HDAC9: variants seen among roughly 807,000 people sequenced by gnomAD.
The protein encoded by HDAC9 is histone deacetylase 9, also known as MEF-2 interacting transcription repressor (MITR) protein.
HDAC9 carries 41 observed loss-of-function variants against 139.4 expected under a neutral mutation model. The ratio of observed to expected loss-of-function variants is 0.29; its 90% CI spans 0.23 to 0.38. The LOEUF (loss-of-function observed/expected upper bound fraction) is 0.38, where lower values mean the gene tolerates loss of function less well. Ranked by LOEUF, HDAC9 falls within the 10% of genes least tolerant of loss-of-function variation. The pLI, the probability that HDAC9 is intolerant of heterozygous loss-of-function variation, is 1.00. For synonymous variants in HDAC9, 517 were observed against 476.2 expected, an observed-to-expected ratio of 1.09 and a Z score of -1.12; for missense variants, 1,147 against 1,297.0, an observed-to-expected ratio of 0.88 and a Z score of 1.78.
At chr7:18,122,933 A>T (rs758510939) in intron 1 of HDAC9, among the ~76,000 whole-genome samples, 2 of 152,182 alleles carry the variant, frequency 1.3e-5, no homozygotes, top group Non-Finnish European at 2.9e-5. Flanking sequence ...TTACATACAA[A>T]GATTTCTGCT....
chr7:18,574,033 A>G (rs1336401102), intron 2 of HDAC9, among the ~76,000 whole-genome samples: 1 of 152,272 alleles, frequency 6.6e-6, no homozygotes, highest in African/African-American at 2.4e-5. Flanking sequence ...AGAATGAGGT[A>G]TGCGGACAGC....
intron 2 of HDAC9, among the ~76,000 whole-genome samples, chr7:18,273,023 C>T (rs1223945511): frequency 7.0e-6 from 1 of 143,514 alleles, no homozygotes; most frequent in African/African-American, 2.7e-5. Context: ...CCTCCTCCTC[C>T]TCCTCTTCCT....
chr7:18,939,874 C>T (rs1396514024), intron 23 of HDAC9, among the ~76,000 whole-genome samples: 1 of 152,164 alleles, frequency 6.6e-6, no homozygotes, highest in African/African-American at 2.4e-5. Context: ...ATTGGCAGAA[C>T]CCGCTTTAGT....
chr7:18,264,125 A>T (rs1199526386), intron 2 of HDAC9, among the ~76,000 whole-genome samples: 1 of 152,234 alleles, frequency 6.6e-6, no homozygotes, highest in Admixed American at 6.5e-5. Context: ...TCCACTTTAC[A>T]TAATGGACAG....
chr7:18,153,295 C>T (rs971321413), intron 1 of HDAC9, among the ~76,000 whole-genome samples: 2 of 152,080 alleles, frequency 1.3e-5, no homozygotes, highest in African/African-American at 4.8e-5. Flanking sequence ...AAGTACACTC[C>T]ACGGGGTGGG....
intron 2 of HDAC9, among the ~76,000 whole-genome samples, chr7:18,525,782 TCTGTTCC>T (rs1240158619): frequency 1.9e-4 from 29 of 152,220 alleles, no homozygotes; most frequent in African/African-American, 7.0e-4. Context: ...ATGCTGTATA[TCTGTTCC>T]CTGGAACTTA....
intron 1 of HDAC9, among the ~76,000 whole-genome samples, chr7:18,418,163 T>G (rs973464165): frequency 2.6e-5 from 4 of 152,188 alleles, no homozygotes; most frequent in African/African-American, 9.7e-5. Context: ...TTTTGTTCGC[T>G]TCAGGGTTTT....
At position 18,302,610 on chromosome 7, in the gene HDAC9, A is replaced by T. The variant is rs546202998; in HGVS notation, c.-42+12095A>T. ...AAGGAAAAAATTTATGTAAAGTTTG[A>T]ACCTACTTTCTAGAAGACGTGAACA... is the stretch of plus-strand genomic sequence containing the variant. On this transcript the variant is annotated intron_variant, in intron 1 of 3. Coordinates refer to the HDAC9 transcript ENST00000413509. 1.1e-4 allele frequency among the ~76,000 whole-genome samples: 16 copies of T among 152,360 alleles called. No homozygotes were observed. The South Asian group carries it at 3.1e-3, about 30-fold the overall frequency.
In HDAC9 at chr7:18,834,307, T is replaced by C. The variant is rs567002830; in HGVS notation, c.2467-1160T>C. Among the ~76,000 whole-genome samples the C allele has an allele frequency of 2.4e-4, 36 of 151,946 alleles. No homozygotes were observed. In the South Asian group the frequency reaches 5.4e-3, roughly 23 times the overall value. Reference sequence around the variant, plus strand: ...AGTAATATTCTATTGAATACAAATATATAAATTATCCACTTTTGGAGTGGC... The same window carrying C: ...AGTAATATTCTATTGAATACAAATACATAAATTATCCACTTTTGGAGTGGC... On this transcript the variant is annotated intron_variant, in intron 19 of 25. Coordinates refer to ENST00000686413, the MANE Select transcript of HDAC9 (RefSeq NM_178425.4).
At chr7:18,087,348 C>T (rs1781862444) in intron 1 of HDAC9, 1 of 152,200 alleles carries the variant, frequency 6.6e-6, no homozygotes, top group Non-Finnish European at 1.5e-5. Context: ...AGTCCGGACT[C>T]TGATGCCACT....
intron 11 of HDAC9, among the ~76,000 whole-genome samples, chr7:18,661,001 T>G (rs1792952909): frequency 6.6e-6 from 1 of 152,126 alleles, no homozygotes; most frequent in East Asian, 1.9e-4. Flanking sequence ...AAAATCATTA[T>G]TAGAGCTACT....
intron 5 of HDAC9, among the ~76,000 whole-genome samples, chr7:18,592,822 C>T (rs531492005): frequency 5.3e-5 from 8 of 152,154 alleles, no homozygotes; most frequent in Admixed American, 2.6e-4. Context: ...AAAAGAAACA[C>T]GATTTTGTTA....
At chr7:18,758,572 T>C (rs1789088335) in intron 14 of HDAC9, among the ~76,000 whole-genome samples, 1 of 152,118 alleles carries the variant, frequency 6.6e-6, no homozygotes. Context: ...AAGATCTCAA[T>C]ATGAAAGGAA....
At chr7:18,608,481 C>T (rs1218751806) in intron 6 of HDAC9, among the ~76,000 whole-genome samples, 1 of 151,924 alleles carries the variant, frequency 6.6e-6, no homozygotes, top group African/African-American at 2.4e-5. Flanking sequence ...CACAGTGATT[C>T]CTCCATTATT....
At chr7:18,718,224 GT>G (rs889777050) in intron 12 of HDAC9, among the ~76,000 whole-genome samples, 1 of 151,844 alleles carries the variant, frequency 6.6e-6, no homozygotes, top group Admixed American at 6.6e-5. Context: ...TATGGTATGT[GT>G]TTTTTTGTTT....
chr7:18,707,339 G>T (rs187981572), intron 12 of HDAC9, among the ~76,000 whole-genome samples: 1 of 152,322 alleles, frequency 6.6e-6, no homozygotes, highest in African/African-American at 2.4e-5. Flanking sequence ...AGTGATGGAG[G>T]ATAGATTGTC....
chr7:18,405,521 C>G (rs1249259264), intron 1 of HDAC9, among the ~76,000 whole-genome samples: 2 of 152,028 alleles, frequency 1.3e-5, no homozygotes, highest in Non-Finnish European at 2.9e-5. Flanking sequence ...ATTTTGGTTC[C>G]TTTCCTCCTG....
intron 1 of HDAC9, among the ~76,000 whole-genome samples, chr7:18,381,047 A>C (rs1785385120): frequency 6.6e-6 from 1 of 151,646 alleles, no homozygotes. Context: ...AAATTACAAA[A>C]ATTAGTCCGG....
At chr7:18,568,961 C>T (rs1383890243) in intron 2 of HDAC9, among the ~76,000 whole-genome samples, 6 of 152,042 alleles carry the variant, frequency 3.9e-5, no homozygotes, top group Admixed American at 6.6e-5. Flanking sequence ...GCAGGAGAAT[C>T]GCTTGAACCC....
Sources: gnomAD v4.1 joint callset for allele counts (sites outside exome capture counted in the v4.1 genomes callset) on GRCh38, gnomAD v4.1.1 for gene constraint, MANE v1.5 for transcripts, NCBI Gene and HGNC (gene_info 2026-07-23, HGNC 2026-07-21) for gene names.